The following FSTL4 variants were observed in gnomAD, a reference collection of about 807,000 sequenced individuals.
FSTL4 encodes the protein follistatin-related protein 4.
FSTL4 carries 28 observed loss-of-function variants against 78.2 expected under a neutral mutation model. The ratio of observed to expected loss-of-function variants is 0.36; its 90% confidence interval spans 0.27 to 0.49. The LOEUF (loss-of-function observed/expected upper bound fraction) is 0.49. Ranked by LOEUF, FSTL4 falls within the 20% of genes least tolerant of loss-of-function variation. The pLI, the probability that FSTL4 is intolerant of heterozygous loss-of-function variation, is 0.98. For missense variants in FSTL4, 922 were observed against 1,084.9 expected (o/e 0.85, Z 2.11); for synonymous variants, 422 against 440.5 (o/e 0.96, Z 0.53).
At chr5:133,717,557 T>G in the FSTL4 span, among the ~76,000 whole-genome samples, 1 of 152,170 alleles carries the variant, frequency 6.6e-6, no homozygotes, top group African/African-American at 2.4e-5. Flanking sequence ...CAGCCAAACG[T>G]TCCTTAGTGC....
the FSTL4 span, among the ~76,000 whole-genome samples, chr5:133,675,474 C>T: frequency 2.0e-5 from 3 of 152,190 alleles, no homozygotes; most frequent in Non-Finnish European, 2.9e-5. Flanking sequence ...TTCCCGTGGC[C>T]GTCAGGCAAG....
intron 4 of FSTL4, among the ~76,000 whole-genome samples, chr5:133,318,503 A>T (rs947929571): frequency 2.0e-5 from 3 of 152,222 alleles, no homozygotes; most frequent in African/African-American, 4.8e-5. Flanking sequence ...GTACAGAATG[A>T]AAGTGGAGGT....
At chr5:133,235,075 C>T (rs1751614467) in intron 7 of FSTL4, among the ~76,000 whole-genome samples, 1 of 152,134 alleles carries the variant, frequency 6.6e-6, no homozygotes, top group Non-Finnish European at 1.5e-5. Flanking sequence ...CTGAGGGCAG[C>T]TCCCTGGGTC....
chr5:133,762,990 A>G, the FSTL4 span, among the ~76,000 whole-genome samples: 5 of 151,364 alleles, frequency 3.3e-5, no homozygotes, highest in African/African-American at 4.9e-5. Context: ...TAAGCCCTCC[A>G]GCCTTCATCC....
At chr5:133,750,568 G>A in the FSTL4 span, among the ~76,000 whole-genome samples, 129 of 152,202 alleles carry the variant, frequency 8.5e-4, no homozygotes, top group Admixed American at 3.2e-3. Flanking sequence ...TCACAGGCTC[G>A]GGTCAGGGCC....
chr5:133,445,978 C>T (rs1252231107), intron 3 of FSTL4, among the ~76,000 whole-genome samples: 1 of 152,188 alleles, frequency 6.6e-6, no homozygotes, highest in Non-Finnish European at 1.5e-5. Flanking sequence ...TTAATGGATA[C>T]TACAAGTTTA....
chr5:133,539,601 CT>C (rs1174709572), intron 3 of FSTL4, among the ~76,000 whole-genome samples: 1 of 152,120 alleles, frequency 6.6e-6, no homozygotes, highest in Non-Finnish European at 1.5e-5. Context: ...TTAGCCAGTA[CT>C]TGTTTCTAGT....
chr5:133,492,093 T>C (rs1000510308), intron 3 of FSTL4, among the ~76,000 whole-genome samples: 3 of 152,212 alleles, frequency 2.0e-5, no homozygotes, highest in Admixed American at 2.0e-4. Flanking sequence ...TCTTTTCTTT[T>C]ACAGGTTACC....
chr5:133,242,702 A>G (rs531168272), intron 7 of FSTL4, among the ~76,000 whole-genome samples: 1 of 152,304 alleles, frequency 6.6e-6, no homozygotes, highest in South Asian at 2.1e-4. Context: ...ACTACTCCCA[A>G]TGGTTTGAGC....
intron 4 of FSTL4, among the ~76,000 whole-genome samples, chr5:133,394,015 T>A (rs543905492): frequency 6.6e-6 from 1 of 152,308 alleles, no homozygotes; most frequent in East Asian, 1.9e-4. Context: ...GAGCCCTAAC[T>A]AAAAACAGCC....
chr5:133,214,023 G>A lies in FSTL4; in HGVS notation c.1608+3206C>T, dbSNP rs537916816. 1.8e-4 allele frequency among the ~76,000 whole-genome samples: 28 copies of A among 152,244 alleles called. No individual in the cohort carries two copies. In the South Asian group the frequency reaches 5.8e-3, roughly 32 times the overall value. On this transcript the variant is annotated intron_variant, in intron 13 of 15. Coordinates refer to ENST00000265342, the MANE Select transcript of FSTL4 (RefSeq NM_015082.2). ...AGAGATAAAGAGGGATATTTTGTAA[G>A]AATAAAAGGAAAATGATATAATTTT... is the stretch of plus-strand genomic sequence containing the variant.
the FSTL4 span, among the ~76,000 whole-genome samples, chr5:133,726,612 GT>G: frequency 2.6e-5 from 4 of 152,160 alleles, no homozygotes; most frequent in African/African-American, 9.7e-5. Flanking sequence ...CCATTGCAGA[GT>G]TTAACATATT....
At chr5:133,765,130 C>G in the FSTL4 span, among the ~76,000 whole-genome samples, 2 of 152,212 alleles carry the variant, frequency 1.3e-5, no homozygotes, top group Non-Finnish European at 2.9e-5. Flanking sequence ...TTCTGCGAAG[C>G]AAGGGAAACT....
At chr5:133,581,988 A>T (rs35152239) in intron 2 of FSTL4, among the ~76,000 whole-genome samples, 34,472 of 152,194 alleles carry the variant, frequency 0.23, 4,159 homozygotes, top group East Asian at 0.29. Flanking sequence ...ACTCCCACAT[A>T]TGGGGAAGGG....
chr5:133,627,728 G>A, the FSTL4 span, among the ~76,000 whole-genome samples: 30,365 of 151,830 alleles, frequency 0.2, 3,459 homozygotes, highest in African/African-American at 0.3. Flanking sequence ...GACCATTTAC[G>A]TTTAATTGAC....
chr5:133,402,092 G>A (rs1756242253), intron 3 of FSTL4, among the ~76,000 whole-genome samples: 1 of 152,078 alleles, frequency 6.6e-6, no homozygotes, highest in Non-Finnish European at 1.5e-5. Context: ...CGTCATCAGG[G>A]GAGACACCAG....
the FSTL4 span, among the ~76,000 whole-genome samples, chr5:133,809,769 C>A: frequency 6.6e-6 from 1 of 152,328 alleles, no homozygotes; most frequent in Admixed American, 6.5e-5. Flanking sequence ...CTGTTAGAGG[C>A]TGCATGGAAA....
At chr5:133,232,232 G>C (rs1751514570) in intron 8 of FSTL4, among the ~76,000 whole-genome samples, 1 of 152,172 alleles carries the variant, frequency 6.6e-6, no homozygotes, top group South Asian at 2.1e-4. Flanking sequence ...ATTTGAGAGA[G>C]GAAGTAGTTG....
Position 133,507,599 on chromosome 5 carries a change from T to G in FSTL4, c.160+59587A>C, listed in dbSNP as rs182826978. Among the ~76,000 whole-genome samples, 309 of 151,272 alleles carry G rather than the reference T, an allele frequency of 2.0e-3. 1 individual carries two copies. Among genetic ancestry groups the G allele is most frequent in the Middle Eastern group, 0.01 (3 of 294 alleles). The stretch of plus-strand genomic sequence containing the variant: ...GTGCAGTGGCATGATCTCAGCTCAC[T>G]GCAACCTCCACCTCCTGGGTTCAAG... On this transcript the variant is annotated intron_variant, in intron 3 of 15. Transcript: ENST00000265342.
Sources: allele counts gnomAD v4.1 joint callset (sites outside exome capture counted in the v4.1 genomes callset), GRCh38; gene constraint gnomAD v4.1.1; transcripts MANE v1.5; gene names NCBI Gene and HGNC (gene_info 2026-07-23, HGNC 2026-07-21).